NOS1AP: variants seen among roughly 807,000 people sequenced by gnomAD.
The protein encoded by NOS1AP is carboxyl-terminal PDZ ligand of neuronal nitric oxide synthase protein.
NOS1AP carries 21 observed loss-of-function variants against 56.2 expected under a neutral mutation model. The ratio of observed to expected loss-of-function variants is 0.37; its 90% CI spans 0.26 to 0.54. The LOEUF is 0.54. Ranked by LOEUF, NOS1AP falls within the 20% of genes least tolerant of loss-of-function variation. NOS1AP has a pLI of 0.84. For synonymous variants in NOS1AP, 270 were observed against 274.6 expected (o/e 0.98, Z 0.17); for missense variants, 522 against 657.8 (o/e 0.79, Z 2.26).
At chr1:162,119,628 C>A (rs540986515) in intron 1 of NOS1AP, among the ~76,000 whole-genome samples, 1 of 152,134 alleles carries the variant, frequency 6.6e-6, no homozygotes, top group Non-Finnish European at 1.5e-5. Context: ...GTATTAGGAA[C>A]CTACTTGCAT....
chr1:162,123,104 T>A (rs1310991525), intron 1 of NOS1AP, among the ~76,000 whole-genome samples: 1 of 152,234 alleles, frequency 6.6e-6, no homozygotes, highest in Admixed American at 6.5e-5. Flanking sequence ...CAATTTGAGA[T>A]AATAGTAGAT....
At chr1:162,340,562 C>G (rs1657078875) in intron 5 of NOS1AP, among the ~76,000 whole-genome samples, 1 of 152,160 alleles carries the variant, frequency 6.6e-6, no homozygotes, top group Admixed American at 6.5e-5. Context: ...TAAAACATTT[C>G]TTGAGCATTT....
intron 1 of NOS1AP, among the ~76,000 whole-genome samples, chr1:162,112,346 C>T (rs1325899262): frequency 6.6e-6 from 1 of 152,098 alleles, no homozygotes; most frequent in Non-Finnish European, 1.5e-5. Context: ...TGTCATCTCA[C>T]GTTAAGAGCA....
chr1:162,259,695 G>C (rs184070447), intron 2 of NOS1AP, among the ~76,000 whole-genome samples: 149 of 152,278 alleles, frequency 9.8e-4, no homozygotes, highest in Admixed American at 7.2e-4. Context: ...CAGTAAAAGA[G>C]TATGAAATGT....
At chr1:162,269,324 C>A (rs1654515424) in intron 2 of NOS1AP, among the ~76,000 whole-genome samples, 1 of 152,006 alleles carries the variant, frequency 6.6e-6, no homozygotes, top group Admixed American at 6.6e-5. Context: ...AATTGAATTT[C>A]CTTTTATTCT....
At chr1:162,221,534 G>GCGCA (rs1491138063) in intron 2 of NOS1AP, among the ~76,000 whole-genome samples, 74 of 73,460 alleles carry the variant, frequency 1.0e-3, no homozygotes, top group Admixed American at 9.3e-4. Flanking sequence ...ACACACGCGC[G>GCGCA]CACACACACA....
intron 2 of NOS1AP, among the ~76,000 whole-genome samples, chr1:162,167,798 G>A (rs1326528591): frequency 6.6e-6 from 1 of 152,236 alleles, no homozygotes; most frequent in Non-Finnish European, 1.5e-5. Context: ...CCTGATCCAG[G>A]AGAGCTGGGA....
chr1:162,170,804 G>A (rs1373775257), intron 2 of NOS1AP, among the ~76,000 whole-genome samples: 1 of 152,084 alleles, frequency 6.6e-6, no homozygotes, highest in Non-Finnish European at 1.5e-5. Context: ...AGCCGGATAT[G>A]GTGGTGTGCA....
At chr1:162,105,510 A>G (rs2225846) in intron 1 of NOS1AP, among the ~76,000 whole-genome samples, 105,887 of 151,932 alleles carry the variant, frequency 0.7, 37,306 homozygotes, top group African/African-American at 0.72. Context: ...TGGAACAGCT[A>G]AGTCTACCAA....
intron 4 of NOS1AP, among the ~76,000 whole-genome samples, chr1:162,310,940 A>G (rs1656006823): frequency 6.6e-6 from 1 of 151,734 alleles, no homozygotes; most frequent in African/African-American, 2.4e-5. Flanking sequence ...CAGCATCTTG[A>G]GCTGTGAACT....
chr1:162,091,076 G>A (rs1299038840), intron 1 of NOS1AP, among the ~76,000 whole-genome samples: 1 of 151,920 alleles, frequency 6.6e-6, no homozygotes, highest in East Asian at 1.9e-4. Flanking sequence ...TTTTCATGGA[G>A]ATTTAAAAAA....
At chr1:162,197,030 C>T (rs1166101525) in intron 2 of NOS1AP, among the ~76,000 whole-genome samples, 1 of 152,118 alleles carries the variant, frequency 6.6e-6, no homozygotes, top group Non-Finnish European at 1.5e-5. Context: ...TCCTTTTCTT[C>T]GCCCATTCCA....
intron 1 of NOS1AP, among the ~76,000 whole-genome samples, chr1:162,101,465 T>G (rs1647259331): frequency 6.6e-6 from 1 of 152,240 alleles, no homozygotes; most frequent in African/African-American, 2.4e-5. Flanking sequence ...TCTAATTCAG[T>G]GAAGAATGTC....
At chr1:162,254,260 T>C (rs1028438092) in intron 2 of NOS1AP, among the ~76,000 whole-genome samples, 1 of 152,108 alleles carries the variant, frequency 6.6e-6, no homozygotes, top group Non-Finnish European at 1.5e-5. Flanking sequence ...TGCAAGGCCT[T>C]CTTCTTGTAT....
chr1:162,136,281 T>G (rs1441297731), intron 1 of NOS1AP, among the ~76,000 whole-genome samples: 1 of 152,154 alleles, frequency 6.6e-6, no homozygotes, highest in Non-Finnish European at 1.5e-5. Flanking sequence ...CTTTATTTAT[T>G]TATTTATTTT....
Position 162,367,227 on chromosome 1 carries a change from G to C in NOS1AP, c.1281G>C (p.Lys427Asn). 3 of 1,613,968 alleles carry C rather than the reference G, an allele frequency of 1.9e-6. No individual in the cohort carries two copies. The highest frequency in any genetic ancestry group is 2.5e-6 in the Non-Finnish European group (3 of 1,179,980). The change falls in exon 10 of 10, where the codon AAG becomes AAC. Residue 427 changes from lysine (K) to asparagine (N), a missense_variant. By Grantham distance (94) the Lys-to-Asn change is moderately conservative. This residue lies in a region of NOS1AP where 160 missense variants were observed against 180.3 expected (regional missense o/e 0.89). Coordinates refer to ENST00000361897, the MANE Select transcript of NOS1AP (RefSeq NM_014697.3). This position sits in a 1 kb window ranked among gnomAD's most constrained non-coding sequence, Gnocchi z 6.5. Reference protein sequence around the residue: ...SPLGRRDCLVKLECFRFLPPE... With the variant: ...SPLGRRDCLVNLECFRFLPPE... ...TAGGTAGGCGCGACTGCTTGGTGAA[G>C]CTGGAGTGCTTTCGCTTTCTTCCGC...
intron 2 of NOS1AP, among the ~76,000 whole-genome samples, chr1:162,220,104 A>G (rs1652719676): frequency 6.6e-6 from 1 of 152,052 alleles, no homozygotes; most frequent in African/African-American, 2.4e-5. Context: ...GCTAATTTTA[A>G]AAGTTTTTGT....
Position 162,156,202 on chromosome 1 carries a change from C to A in NOS1AP, c.177+1726C>A, listed in dbSNP as rs528159365. Among the ~76,000 whole-genome samples the A allele has an allele frequency of 7.1e-4, 108 of 152,276 alleles. 3 individuals carry two copies. In the South Asian group the frequency reaches 0.022, roughly 31 times the overall value. ...ACAACAGTACTGTTTTTCATGGACA[C>A]AGTAAGAAGTAGCTTCAAAGCACTT... On this transcript the variant is annotated intron_variant, in intron 2 of 9. Coordinates refer to ENST00000361897, the MANE Select transcript of NOS1AP (RefSeq NM_014697.3).
chr1:162,183,666 C>G (rs1651335138), intron 2 of NOS1AP, among the ~76,000 whole-genome samples: 1 of 152,234 alleles, frequency 6.6e-6, no homozygotes, highest in South Asian at 2.1e-4. Flanking sequence ...GTTACAGAGA[C>G]AGCTTCTTTC....
Sources: allele counts gnomAD v4.1 joint callset (sites outside exome capture counted in the v4.1 genomes callset), GRCh38; gene constraint gnomAD v4.1.1; regional missense constraint gnomAD v4.1.1; non-coding constraint Gnocchi (gnomAD v3.1); transcripts MANE v1.5; gene names NCBI Gene and HGNC (gene_info 2026-07-23, HGNC 2026-07-21).